Variants in TTC28 observed in about 807,000 individuals in gnomAD.
The protein encoded by TTC28 is tetratricopeptide repeat protein 28.
In TTC28, 61 loss-of-function variants were observed where a neutral mutation model predicts 198.0. The observed-to-expected ratio is 0.31, with a 90% CI of 0.25 to 0.38. TTC28 has a LOEUF of 0.38. TTC28 is among the 10% of genes least tolerant of loss of function. The pLI is 1.00. For synonymous variants in TTC28, 1,171 were observed against 1,297.8 expected, an observed-to-expected ratio of 0.90 and a Z score of 2.10; for missense variants, 2,678 against 3,164.0, an observed-to-expected ratio of 0.85 and a Z score of 3.69.
intron 5 of TTC28, among the ~76,000 whole-genome samples, chr22:28,209,447 G>A (rs781650756): frequency 3.3e-5 from 5 of 152,142 alleles, no homozygotes; most frequent in Non-Finnish European, 4.4e-5. Context: ...CTAATACTGC[G>A]CTTTTCCAAC....
At chr22:27,996,417 C>G (rs1300661174) in intron 16 of TTC28, 158 bp from the exon 17 acceptor site, 1 of 1,053,744 alleles carries the variant, frequency 9.5e-7, no homozygotes, top group African/African-American at 1.6e-5. Context: ...ATCTGACTCA[C>G]TGGATGGTGA....
chr22:28,184,295 T>C (rs1923981798), intron 5 of TTC28, among the ~76,000 whole-genome samples: 1 of 152,182 alleles, frequency 6.6e-6, no homozygotes, highest in South Asian at 2.1e-4. Context: ...TTTATATTAA[T>C]CTGTTTTGTA....
In TTC28 at chr22:28,107,501, C is replaced by G; in HGVS notation, c.2344G>C (p.Glu782Gln). 2 of 1,551,792 alleles carry G rather than the reference C, an allele frequency of 1.3e-6. No individual in the cohort carries two copies. The highest frequency in any genetic ancestry group is 1.7e-6 in the Non-Finnish European group (2 of 1,147,008). Residue 782 changes from glutamate to glutamine, a missense_variant, in exon 7 of 23, where the codon GAG becomes CAG. By Grantham distance (29) the Glu-to-Gln change is conservative. This residue lies in a region of TTC28 where 775 missense variants were observed against 845.9 expected (regional missense o/e 0.92). Transcript: ENST00000397906. ...KALGYHTQEL[E>Q]VYQELSDLPG... ...AAGTCACTCAGCTCCTGATATACCT[C>G]CAGTTCCTGTGTGTGATAACCCAGG...
intron 2 of TTC28, among the ~76,000 whole-genome samples, chr22:28,627,443 T>TC (rs1180745057): frequency 1.3e-5 from 2 of 151,558 alleles, no homozygotes; most frequent in Admixed American, 1.3e-4. Context: ...TTCTTTTTTT[T>TC]TTTTTTTTGA....
chr22:28,217,174 C>CCT (rs1269994141), intron 5 of TTC28, among the ~76,000 whole-genome samples: 1 of 152,112 alleles, frequency 6.6e-6, no homozygotes, highest in Non-Finnish European at 1.5e-5. Flanking sequence ...AGCCATCTCT[C>CCT]CTAATAGCTG....
At chr22:28,317,828 T>A (rs990132645) in intron 2 of TTC28, among the ~76,000 whole-genome samples, 1 of 152,190 alleles carries the variant, frequency 6.6e-6, no homozygotes, top group Non-Finnish European at 1.5e-5. Flanking sequence ...TAAATCAATC[T>A]GTACCCTTAA....
intron 2 of TTC28, among the ~76,000 whole-genome samples, chr22:28,539,891 T>C (rs1376043094): frequency 2.0e-5 from 3 of 149,790 alleles, no homozygotes; most frequent in South Asian, 4.2e-4. Flanking sequence ...GCAGCCTGTA[T>C]AGGAAGCATG....
At chr22:28,357,780 C>T (rs1227803851) in intron 2 of TTC28, among the ~76,000 whole-genome samples, 1 of 152,186 alleles carries the variant, frequency 6.6e-6, no homozygotes, top group South Asian at 2.1e-4. Context: ...CCAATACACA[C>T]CTTGACCCAC....
At chr22:28,441,319 TG>T (rs1176019097) in intron 2 of TTC28, among the ~76,000 whole-genome samples, 1 of 150,644 alleles carries the variant, frequency 6.6e-6, no homozygotes, top group Middle Eastern at 3.2e-3. Context: ...ATAGAAGAAA[TG>T]GGGGACTTTA....
intron 2 of TTC28, among the ~76,000 whole-genome samples, chr22:28,580,491 G>A (rs2050219157): frequency 6.6e-6 from 1 of 152,082 alleles, no homozygotes; most frequent in Admixed American, 6.6e-5. Context: ...ACCTGCCTTG[G>A]CCTCCCAAAG....
chr22:28,629,746 G>C lies in TTC28; in HGVS notation c.187C>G (p.Arg63Gly). ...TCATGACAGGCCTGATTACTCTGAC[G>C]AACTTTCTCAACAAATTCAGCTTTG... Reference protein sequence around the residue: ...LSKAEFVEKVRQSNQACHDGD... With the variant: ...LSKAEFVEKVGQSNQACHDGD... Residue 63 changes from arginine (R) to glycine (G), a missense_variant, in exon 2 of 23, where the codon CGT (arginine) becomes GGT (glycine). Around this residue, in one of 8 missense-constraint regions of TTC28, gnomAD observed 176 missense variants for 197.9 expected, o/e 0.89. Coordinates refer to ENST00000397906, the MANE Select transcript of TTC28 (RefSeq NM_001145418.2). The C allele has an allele frequency of 6.4e-7, 1 of 1,551,634 alleles. No individual in the cohort carries two copies. The highest frequency in any genetic ancestry group is 2.4e-5 in the East Asian group (1 of 40,920).
intron 2 of TTC28, among the ~76,000 whole-genome samples, chr22:28,583,092 G>A (rs1220035955): frequency 1.3e-5 from 2 of 152,000 alleles, no homozygotes; most frequent in Non-Finnish European, 1.5e-5. Context: ...ACAGCCTGTT[G>A]CCTAGCGATC....
intron 5 of TTC28, among the ~76,000 whole-genome samples, chr22:28,210,635 T>C (rs938706269): frequency 5.9e-5 from 9 of 152,186 alleles, no homozygotes; most frequent in African/African-American, 1.9e-4. Context: ...AATATGGGAC[T>C]ATGAGAAAAG....
intron 21 of TTC28, among the ~76,000 whole-genome samples, chr22:27,988,584 G>C (rs116629535): frequency 1.3e-5 from 2 of 152,008 alleles, no homozygotes; most frequent in Non-Finnish European, 2.9e-5. Context: ...CACCGCACCC[G>C]GCAGGAAAGA....
chr22:28,029,943 G>T (rs965053820), intron 13 of TTC28, among the ~76,000 whole-genome samples: 1 of 152,230 alleles, frequency 6.6e-6, no homozygotes, highest in African/African-American at 2.4e-5. Context: ...CAGCTCTGAG[G>T]CTATGTGAAG....
intron 2 of TTC28, among the ~76,000 whole-genome samples, chr22:28,609,750 C>G (rs2050788949): frequency 6.6e-6 from 1 of 152,152 alleles, no homozygotes; most frequent in South Asian, 2.1e-4. Flanking sequence ...ATTCACTCCC[C>G]CTGGAAAGGA....
chr22:28,224,890 C>T (rs1569208498), intron 5 of TTC28, among the ~76,000 whole-genome samples: 1 of 152,182 alleles, frequency 6.6e-6, no homozygotes, highest in African/African-American at 2.4e-5. Context: ...AGAATATGTT[C>T]ATAATGATTG....
At chr22:28,537,306 A>C (rs144177000) in intron 2 of TTC28, among the ~76,000 whole-genome samples, 4,877 of 116,224 alleles carry the variant, frequency 0.042, 139 homozygotes, top group East Asian at 0.074. Context: ...AATAAAATAA[A>C]ATAAAATAAA....
chr22:28,555,109 A>G (rs896118942), intron 2 of TTC28, among the ~76,000 whole-genome samples: 1 of 152,234 alleles, frequency 6.6e-6, no homozygotes, highest in East Asian at 1.9e-4. Flanking sequence ...AATGCTCAAC[A>G]TCACTAATTA....
Sources: allele counts gnomAD v4.1 joint callset (sites outside exome capture counted in the v4.1 genomes callset), GRCh38; gene constraint gnomAD v4.1.1; regional missense constraint gnomAD v4.1.1; transcripts MANE v1.5; gene names NCBI Gene and HGNC (gene_info 2026-07-23, HGNC 2026-07-21).